MYNN: variants seen among roughly 807,000 people sequenced by gnomAD.
The protein encoded by MYNN is zinc finger and BTB domain-containing protein 31.
In MYNN, 22 loss-of-function variants were observed where a neutral mutation model predicts 57.2. The observed-to-expected ratio is 0.38, with a 90% CI of 0.27 to 0.55. MYNN has a LOEUF of 0.55. MYNN is among the 20% of genes least tolerant of loss of function. The pLI, the probability that MYNN is intolerant of heterozygous loss-of-function variation, is 0.71. For synonymous variants in MYNN, 241 were observed against 257.1 expected, an observed-to-expected ratio of 0.94 and a Z score of 0.60; for missense variants, 566 against 723.1, an observed-to-expected ratio of 0.78 and a Z score of 2.49.
intron 4 of MYNN, among the ~76,000 whole-genome samples, chr3:169,781,158 A>C (rs1357113668): frequency 6.6e-6 from 1 of 152,242 alleles, no homozygotes; most frequent in Non-Finnish European, 1.5e-5. Context: ...AGTTAGAAAT[A>C]ATAGAATTTG....
chr3:169,773,954 T>G, intron 1 of MYNN: 1 of 244,548 alleles, frequency 4.1e-6, no homozygotes, highest in Non-Finnish European at 8.0e-6. Flanking sequence ...TTTTGTAACA[T>G]AAGTATGTCT....
At position 169,779,515 on chromosome 3, in the gene MYNN, A is replaced by T. The variant is rs370732757; in HGVS notation, c.1014A>T (p.Ala338=). ...ACGTCTGCCACTTATGTGGAAAGGCATTTACCCAATGTAACCAGCTGAAAA... is the reference window on the plus strand; with the variant it reads ...ACGTCTGCCACTTATGTGGAAAGGCTTTTACCCAATGTAACCAGCTGAAAA... ...KPYVCHLCGK[A]FTQCNQLKTH... Residue 338 remains alanine (A), a synonymous_variant, in exon 3 of 8, where the codon GCA becomes GCT. Coordinates refer to ENST00000349841, the MANE Select transcript of MYNN (RefSeq NM_018657.5). 2.4e-5 allele frequency: 38 copies of T among 1,614,100 alleles called. No homozygotes were observed. Among genetic ancestry groups the T allele is most frequent in the Non-Finnish European group, 3.1e-5 (37 of 1,180,046 alleles).
intron 7 of MYNN, among the ~76,000 whole-genome samples, chr3:169,786,161 C>T (rs1778671216): frequency 6.6e-6 from 1 of 152,050 alleles, no homozygotes; most frequent in South Asian, 2.1e-4. Context: ...GTGATTAAGC[C>T]GATATAACAG....
chr3:169,781,931 A>T (rs746586520), intron 4 of MYNN, among the ~76,000 whole-genome samples: 24 of 151,930 alleles, frequency 1.6e-4, no homozygotes, highest in Non-Finnish European at 2.2e-4. Context: ...AATATGGGAG[A>T]CATCAGTATA....
At position 169,786,503 on chromosome 3, in the gene MYNN, T is replaced by C. The variant is rs1176283777; in HGVS notation, c.1658T>C (p.Met553Thr). The change falls in exon 8 of 8, where the codon ATG (methionine) becomes ACG (threonine). Residue 553 changes from methionine to threonine, a missense_variant. Transcript: ENST00000349841. ...SIQKSPLSET[M>T]DVKPSDMTLP... is the part of the protein sequence containing the mutation. ...CAAAAAAGTCCTTTATCAGAAACTA[T>C]GGATGTGAAGCCTTCTGATATGACT... 1 of 1,613,744 alleles carries C rather than the reference T, an allele frequency of 6.2e-7. No individual in the cohort carries two copies. Among genetic ancestry groups the C allele is most frequent in the Admixed American group, 1.7e-5 (1 of 59,998 alleles).
rs760377376 is a variant in MYNN, at chr3:169,782,641, C to G, written c.1397C>G (p.Thr466Arg). The change falls in exon 5 of 8, where the codon ACA becomes AGA. Residue 466 changes from threonine (T) to arginine (R), a missense_variant and splice_region_variant. Around this residue, in one of 4 missense-constraint regions of MYNN, gnomAD observed 123 missense variants for 222.6 expected, o/e 0.55. Transcript: ENST00000349841. The surrounding 1 kb of genome is among the most constrained non-coding windows in gnomAD (Gnocchi z 4.8). ...CTTATCACTCATTCTCGAAAACATA[C>G]AGGTAAGTTTGACAGGGAGAGACTG... ...SSLITHSRKH[T>R]GEKPYICGIC... is the part of the protein sequence containing the mutation. 6.2e-7 allele frequency: 1 copy of G among 1,612,770 alleles called. No individual in the cohort carries two copies. Among genetic ancestry groups the G allele is most frequent in the African/African-American group, 1.3e-5 (1 of 74,866 alleles).
chr3:169,782,723 G>T lies in MYNN; in HGVS notation c.1399+80G>T. The T allele has an allele frequency of 8.6e-7, 1 of 1,162,668 alleles. No individual in the cohort carries two copies. The highest frequency in any genetic ancestry group is 1.2e-6 in the Non-Finnish European group (1 of 820,104). The allele number at this position is 1,162,668 out of a possible 1,614,324, so 72.0% of individuals were successfully genotyped here. On this transcript the variant is annotated intron_variant, in intron 5 of 7. Coordinates refer to ENST00000349841, the MANE Select transcript of MYNN (RefSeq NM_018657.5). The surrounding 1 kb of genome is among the most constrained non-coding windows in gnomAD (Gnocchi z 4.8). ...GGGACTTGGGCCTTTTAGCGAAGTAGATCGGAAACTTTGTAGTTAGATATC... is the reference window on the plus strand; with the variant it reads ...GGGACTTGGGCCTTTTAGCGAAGTATATCGGAAACTTTGTAGTTAGATATC...
rs527939422 is a variant in MYNN at position 169,774,586 on chromosome 3, T to C, written c.266+25T>C. The C allele has an allele frequency of 3.1e-6, 5 of 1,593,926 alleles. No homozygotes were observed. The East Asian group carries it at 6.7e-5, about 21-fold the overall frequency. On this transcript the variant is annotated intron_variant, in intron 2 of 7. Coordinates refer to ENST00000349841, the MANE Select transcript of MYNN (RefSeq NM_018657.5). ...GGTAAAGTACACATTTTATTTTCAGTTATAAAAGCTAGTCAGTAGTCTTCA... is the reference window on the plus strand; with the variant it reads ...GGTAAAGTACACATTTTATTTTCAGCTATAAAAGCTAGTCAGTAGTCTTCA...
rs1182369095 is a variant in MYNN at position 169,787,460 on chromosome 3, T to A, written c.*782T>A. ...TTATTCCGTTCTAAAATATTGGAGA[T>A]GAGGAAAATGTACTTGAGTTTTGAA... is the stretch of plus-strand genomic sequence containing the variant. On this transcript the variant is annotated 3_prime_UTR_variant, in exon 8 of 8. Coordinates refer to ENST00000349841, the MANE Select transcript of MYNN (RefSeq NM_018657.5). 1 of 152,090 alleles carries A rather than the reference T, an allele frequency of 6.6e-6. No homozygotes were observed. The highest frequency in any genetic ancestry group is 1.5e-5 in the Non-Finnish European group (1 of 67,948). The allele number at this position is 152,090 out of a possible 1,614,324, so 9.4% of individuals were successfully genotyped here. A position where few individuals can be genotyped will look rare whatever the true frequency, so the allele number is the denominator to read the frequency against.
intron 3 of MYNN, chr3:169,779,825 A>G: frequency 2.2e-6 from 1 of 448,316 alleles, no homozygotes; most frequent in Non-Finnish European, 4.0e-6. Context: ...CAAGTATTTA[A>G]CAGAGACAAA....
chr3:169,778,732 A>G, intron 2 of MYNN, 36 bp from the exon 3 acceptor site: 1 of 1,524,968 alleles, frequency 6.6e-7, no homozygotes, highest in Non-Finnish European at 8.8e-7. Flanking sequence ...TTTTTCTTTG[A>G]TCAGAATATT....
At chr3:169,774,934 G>A (rs1421708534) in intron 2 of MYNN, among the ~76,000 whole-genome samples, 3 of 152,100 alleles carry the variant, frequency 2.0e-5, no homozygotes, top group Non-Finnish European at 4.4e-5. Context: ...TGCCTCCCGG[G>A]TTCAAGCGAT....
At chr3:169,783,288 A>G (rs540856834) in intron 5 of MYNN, among the ~76,000 whole-genome samples, 189 bp from the exon 6 acceptor site, 5 of 152,088 alleles carry the variant, frequency 3.3e-5, no homozygotes, top group Non-Finnish European at 7.4e-5. Context: ...AATATATGAA[A>G]ACTTATGAAC....
chr3:169,781,724 G>A (rs1464107465), intron 4 of MYNN, among the ~76,000 whole-genome samples: 1 of 152,176 alleles, frequency 6.6e-6, no homozygotes, highest in Non-Finnish European at 1.5e-5. Context: ...ATAGGGAGAT[G>A]AAGACTGAGA....
rs10681957 is a variant in MYNN, at chr3:169,776,694, A to ATTTT, written c.267-2050_267-2047dup. ...GAATTACCATTTCAATGTTGAACAA[A>ATTTT]TTTTTTTTTTTTTTTTTTTTTTTTT... On this transcript the variant is annotated intron_variant, in intron 2 of 7. Coordinates refer to ENST00000349841, the MANE Select transcript of MYNN (RefSeq NM_018657.5). Among the ~76,000 whole-genome samples, 466 of 105,666 alleles carry ATTTT rather than the reference A, an allele frequency of 4.4e-3. 50 individuals are homozygous for ATTTT. Among genetic ancestry groups the ATTTT allele is most frequent in the East Asian group, 0.04 (104 of 2,604 alleles). 69.3% of individuals were successfully genotyped at this position (105,666 alleles called of 152,430 possible).
chr3:169,779,142 A>G lies in MYNN; in HGVS notation c.641A>G (p.Asp214Gly). ...AATGCATCTGTTGAATTATTCCTAG[A>G]TGCAAATAAACTGCCCACACCTGTA... ...LENASVELFL[D>G]ANKLPTPVVE... The change falls in exon 3 of 8, where the codon GAT becomes GGT. Residue 214 changes from aspartate to glycine, a missense_variant. By Grantham distance (94) the Asp-to-Gly change is moderately conservative. Coordinates refer to ENST00000349841, the MANE Select transcript of MYNN (RefSeq NM_018657.5). 1 of 1,614,230 alleles carries G rather than the reference A, an allele frequency of 6.2e-7. No individual in the cohort carries two copies. The highest frequency in any genetic ancestry group is 8.5e-7 in the Non-Finnish European group (1 of 1,180,036).
At chr3:169,785,631 C>T (rs755053600) in intron 7 of MYNN, among the ~76,000 whole-genome samples, 5 of 151,854 alleles carry the variant, frequency 3.3e-5, no homozygotes, top group East Asian at 1.9e-4. Flanking sequence ...GGATTCATTC[C>T]GGGCAGAGAA....
chr3:169,784,710 TA>T lies in MYNN; in HGVS notation c.1570+5del. ...AGCACAAAACAAAAGTCCATTCTGG[TA>T]AATGCTTGTGTTTTGTTTGCTTGTT... On this transcript the variant is annotated splice_donor_region_variant and intron_variant, in intron 7 of 7. Coordinates refer to ENST00000349841, the MANE Select transcript of MYNN (RefSeq NM_018657.5). 2 of 1,546,000 alleles carry T rather than the reference TA, an allele frequency of 1.3e-6. No homozygotes were observed. The highest frequency in any genetic ancestry group is 2.3e-5 in the East Asian group (1 of 43,340).
At chr3:169,783,718 T>G (rs753122154) in intron 6 of MYNN, 158 bp downstream of exon 6, 8 of 589,586 alleles carry the variant, frequency 1.4e-5, no homozygotes, top group African/African-American at 3.9e-5. Context: ...GCTTATTTTG[T>G]TTTTTTTTTA....
Sources: gnomAD v4.1 joint callset for allele counts (sites outside exome capture counted in the v4.1 genomes callset) on GRCh38, gnomAD v4.1.1 for gene constraint, gnomAD v4.1.1 regional missense constraint, Gnocchi (gnomAD v3.1) non-coding constraint, MANE v1.5 for transcripts, NCBI Gene and HGNC (gene_info 2026-07-23, HGNC 2026-07-21) for gene names.